Variants in XKR4 observed in about 807,000 individuals in gnomAD.
XKR4 encodes XK related 4.
XKR4 carries 12 observed loss-of-function variants against 53.9 expected under a neutral mutation model. The ratio of observed to expected loss-of-function variants is 0.22; its 90% CI spans 0.14 to 0.36. XKR4 has a LOEUF of 0.36. Among genes scored for constraint, XKR4 ranks in the 10% least tolerant of loss-of-function variants. The pLI is 1.00. For missense variants in XKR4, 799 were observed against 859.5 expected, an observed-to-expected ratio of 0.93 and a Z score of 0.88; for synonymous variants, 354 against 362.4, an observed-to-expected ratio of 0.98 and a Z score of 0.26.
intron 1 of XKR4, among the ~76,000 whole-genome samples, chr8:55,270,980 C>A (rs557532748): frequency 2.2e-4 from 33 of 152,274 alleles, no homozygotes; most frequent in African/African-American, 7.2e-4. Flanking sequence ...CAACCTCTGA[C>A]CATACCTAAG....
rs1251462729 is a variant in XKR4, at chr8:55,525,151, G to A, written c.*924G>A. On this transcript the variant is annotated 3_prime_UTR_variant, in exon 3 of 3. Transcript: ENST00000327381. ...GCAGTGCGGCGCGAGCCAGAGGAAT[G>A]GGCTGGAACCGGATCTGTTTCCAGA... is the stretch of plus-strand genomic sequence containing the variant. 6.6e-6 allele frequency: 1 copy of A among 152,652 alleles called. No individual in the cohort carries two copies. Among genetic ancestry groups the A allele is most frequent in the Non-Finnish European group, 1.5e-5 (1 of 68,062 alleles). 9.5% of individuals were successfully genotyped at this position (152,652 alleles called of 1,614,324 possible). A position where few individuals can be genotyped will look rare whatever the true frequency, so the allele number is the denominator to read the frequency against.
intron 2 of XKR4, among the ~76,000 whole-genome samples, chr8:55,367,549 C>T (rs766427466): frequency 3.3e-5 from 5 of 152,088 alleles, no homozygotes; most frequent in Non-Finnish European, 5.9e-5. Context: ...GTAGATGATG[C>T]CAAAGAGTTT....
chr8:55,348,660 G>C (rs1350954140), intron 1 of XKR4, among the ~76,000 whole-genome samples: 2 of 150,770 alleles, frequency 1.3e-5, no homozygotes, highest in Admixed American at 1.3e-4. Flanking sequence ...TGGATAGGTA[G>C]ATGATAGAGG....
intron 1 of XKR4, among the ~76,000 whole-genome samples, chr8:55,249,681 A>G (rs994177906): frequency 6.6e-6 from 1 of 152,220 alleles, no homozygotes; most frequent in African/African-American, 2.4e-5. Flanking sequence ...AAAAATATTC[A>G]CAAAGACCTA....
At chr8:55,392,551 G>T (rs894455895) in intron 2 of XKR4, among the ~76,000 whole-genome samples, 3 of 152,242 alleles carry the variant, frequency 2.0e-5, no homozygotes, top group South Asian at 4.1e-4. Flanking sequence ...AGCACTTTGG[G>T]AGGCTGAGGC....
At chr8:55,355,700 C>T (rs896159328) in intron 1 of XKR4, among the ~76,000 whole-genome samples, 6 of 152,130 alleles carry the variant, frequency 3.9e-5, no homozygotes, top group Admixed American at 2.0e-4. Context: ...GGCTAGTAAA[C>T]AACGAAATGA....
intron 1 of XKR4, among the ~76,000 whole-genome samples, chr8:55,196,028 A>G (rs1817500526): frequency 6.6e-6 from 1 of 151,914 alleles, no homozygotes; most frequent in Non-Finnish European, 1.5e-5. Context: ...TTGCAGAGGG[A>G]CTCTTCTCTA....
rs952594045 is a variant in XKR4 at position 55,540,596 on chromosome 8, G to T, written c.*16369G>T. The T allele has an allele frequency of 1.3e-5, 2 of 152,132 alleles. No individual in the cohort carries two copies. The highest frequency in any genetic ancestry group is 2.9e-5 in the Non-Finnish European group (2 of 68,024). The allele number at this position is 152,132 out of a possible 1,614,324, so 9.4% of individuals were successfully genotyped here. On this transcript the variant is annotated 3_prime_UTR_variant, in exon 3 of 3. Coordinates refer to ENST00000327381, the MANE Select transcript of XKR4 (RefSeq NM_052898.2). ...CAATAGCCTAGGGAGAGTCGATGAA[G>T]GATATGCAAATTACATTTTTCCCAT...
intron 1 of XKR4, among the ~76,000 whole-genome samples, chr8:55,333,277 G>T (rs1390203132): frequency 6.6e-6 from 1 of 152,024 alleles, no homozygotes; most frequent in East Asian, 1.9e-4. Context: ...AATTGGCCAT[G>T]TTTGTCCATG....
chr8:55,401,035 TG>T (rs1275503721), intron 2 of XKR4, among the ~76,000 whole-genome samples: 2 of 152,342 alleles, frequency 1.3e-5, no homozygotes, highest in South Asian at 2.1e-4. Context: ...CTGTTCCTTG[TG>T]GATGCTGTAC....
At chr8:55,263,843 T>C (rs964569259) in intron 1 of XKR4, among the ~76,000 whole-genome samples, 2 of 152,196 alleles carry the variant, frequency 1.3e-5, no homozygotes, top group Non-Finnish European at 2.9e-5. Context: ...ACTGCAGTCA[T>C]CAAGCCACAC....
In XKR4 at chr8:55,524,402, C is replaced by T; in HGVS notation, c.*175C>T. The T allele has an allele frequency of 1.5e-6, 1 of 645,958 alleles. No individual in the cohort carries two copies. Among genetic ancestry groups the T allele is most frequent in the Non-Finnish European group, 2.6e-6 (1 of 381,264 alleles). The allele number at this position is 645,958 out of a possible 1,614,324, so 40.0% of individuals were successfully genotyped here. A position where few individuals can be genotyped will look rare whatever the true frequency, so the allele number is the denominator to read the frequency against. ...GGGGGCGGCTGGTCTCCTTCCAAAG[C>T]AGCTGCACCCGAGAGTCTCTGACTC... is the stretch of plus-strand genomic sequence containing the variant. On this transcript the variant is annotated 3_prime_UTR_variant, in exon 3 of 3. Coordinates refer to ENST00000327381, the MANE Select transcript of XKR4 (RefSeq NM_052898.2).
intron 1 of XKR4, among the ~76,000 whole-genome samples, chr8:55,249,378 C>G (rs747163053): frequency 7.9e-5 from 12 of 152,168 alleles, no homozygotes; most frequent in Non-Finnish European, 1.6e-4. Context: ...GACGCTTTAT[C>G]TACTCAAGTT....
At chr8:55,180,874 G>C (rs1817301964) in intron 1 of XKR4, among the ~76,000 whole-genome samples, 1 of 151,786 alleles carries the variant, frequency 6.6e-6, no homozygotes, top group Admixed American at 6.6e-5. Flanking sequence ...TTCTCACTAG[G>C]CTTTCTTGTC....
At chr8:55,376,703 G>A (rs1012676600) in intron 2 of XKR4, among the ~76,000 whole-genome samples, 1 of 152,030 alleles carries the variant, frequency 6.6e-6, no homozygotes, top group Admixed American at 6.5e-5. Context: ...AAGCTCATCT[G>A]TATCATATGT....
intron 2 of XKR4, among the ~76,000 whole-genome samples, chr8:55,500,181 C>CAAAAAAAAAAAAAAAAAA (rs36233927): frequency 8.6e-6 from 1 of 115,610 alleles, no homozygotes; most frequent in Non-Finnish European, 1.7e-5. Context: ...CAAATTGGGC[C>CAAAAAAAAAAAAAAAAAA]AAAAAAAAAA....
intron 1 of XKR4, among the ~76,000 whole-genome samples, chr8:55,213,766 C>T (rs1178391307): frequency 6.6e-6 from 1 of 150,946 alleles, no homozygotes; most frequent in Non-Finnish European, 1.5e-5. Context: ...ATCTCTTTCA[C>T]TATCGTAATT....
chr8:55,182,418 T>C (rs1327426555), intron 1 of XKR4, among the ~76,000 whole-genome samples: 1 of 152,200 alleles, frequency 6.6e-6, no homozygotes, highest in Non-Finnish European at 1.5e-5. Flanking sequence ...TATTTTCTTC[T>C]AAAAGTTTCA....
chr8:55,335,614 T>C (rs1342673647), intron 1 of XKR4, among the ~76,000 whole-genome samples: 1 of 152,152 alleles, frequency 6.6e-6, no homozygotes. Flanking sequence ...TCACACAAAA[T>C]CCTGTATTTG....
Sources: gnomAD v4.1 joint callset for allele counts (sites outside exome capture counted in the v4.1 genomes callset) on GRCh38, gnomAD v4.1.1 for gene constraint, MANE v1.5 for transcripts, NCBI Gene and HGNC (gene_info 2026-07-23, HGNC 2026-07-21) for gene names.